The following GALNT13 variants were observed in gnomAD, a reference collection of about 807,000 sequenced individuals.
GALNT13 encodes polypeptide N-acetylgalactosaminyltransferase 13.
A neutral mutation model predicts 64.2 loss-of-function variants in GALNT13; 28 were observed. The ratio of observed to expected loss-of-function variants is 0.44; its 90% confidence interval spans 0.32 to 0.60. The LOEUF (loss-of-function observed/expected upper bound fraction) is 0.60. Ranked by LOEUF, GALNT13 falls within the 20% of genes least tolerant of loss-of-function variation. GALNT13 has a pLI of 0.05. For missense variants in GALNT13, 577 were observed against 669.8 expected (o/e 0.86, Z 1.53); for synonymous variants, 214 against 224.6 (o/e 0.95, Z 0.42).
chr2:153,631,279 A>C, the GALNT13 span, among the ~76,000 whole-genome samples: 1 of 152,196 alleles, frequency 6.6e-6, no homozygotes, highest in Non-Finnish European at 1.5e-5. Context: ...ATACGTGTGC[A>C]TGTGTCTTTA....
chr2:153,454,353 G>C, the GALNT13 span, among the ~76,000 whole-genome samples: 1 of 151,966 alleles, frequency 6.6e-6, no homozygotes, highest in Non-Finnish European at 1.5e-5. Context: ...GTAATTTCTA[G>C]ACCTGGCTAG....
chr2:153,916,466 C>T (rs1441214022), intron 2 of GALNT13, among the ~76,000 whole-genome samples: 3 of 151,952 alleles, frequency 2.0e-5, no homozygotes, highest in Admixed American at 6.6e-5. Context: ...CTAGGTAATC[C>T]GATTTTTGAG....
chr2:154,275,953 A>T (rs2105930702), intron 8 of GALNT13, among the ~76,000 whole-genome samples: 1 of 152,222 alleles, frequency 6.6e-6, no homozygotes, highest in East Asian at 1.9e-4. Context: ...TCACTCTGTA[A>T]CCTTAAGGTT....
chr2:154,151,262 A>G (rs1020252719), intron 4 of GALNT13, among the ~76,000 whole-genome samples: 2 of 152,116 alleles, frequency 1.3e-5, no homozygotes, highest in Admixed American at 1.3e-4. Flanking sequence ...TTTAATCCTC[A>G]GTTCTAATTA....
the GALNT13 span, among the ~76,000 whole-genome samples, chr2:153,460,147 G>T: frequency 6.6e-6 from 1 of 151,974 alleles, no homozygotes; most frequent in Non-Finnish European, 1.5e-5. Context: ...ACTTATTTCA[G>T]ATGAAGTTGA....
chr2:153,679,514 T>A, the GALNT13 span, among the ~76,000 whole-genome samples: 4 of 151,968 alleles, frequency 2.6e-5, no homozygotes, highest in Admixed American at 2.0e-4. Flanking sequence ...TTATGCATAG[T>A]ACGTGTGTTT....
chr2:154,009,392 G>A (rs1312658437), intron 3 of GALNT13, among the ~76,000 whole-genome samples: 2 of 151,288 alleles, frequency 1.3e-5, no homozygotes, highest in Non-Finnish European at 2.9e-5. Context: ...GTCTTTTTTG[G>A]TTCCATATGA....
intron 3 of GALNT13, among the ~76,000 whole-genome samples, chr2:153,996,851 T>G (rs1695555476): frequency 6.6e-6 from 1 of 152,114 alleles, no homozygotes. Context: ...TTTGTATATG[T>G]GAGATAGGGT....
At position 154,169,367 on chromosome 2, in the gene GALNT13, T is replaced by C. The variant is rs1424150120; in HGVS notation, c.311+28862T>C. Among the ~76,000 whole-genome samples, 3 of 152,296 alleles carry C rather than the reference T, an allele frequency of 2.0e-5. No homozygotes were observed. In the South Asian group the frequency reaches 6.2e-4, roughly 32 times the overall value. On this transcript the variant is annotated intron_variant, in intron 4 of 12. Coordinates refer to ENST00000392825, the MANE Select transcript of GALNT13 (RefSeq NM_052917.4). ...TATAAGTAGTCTCATTATGGCTGAT[T>C]TTAAGCTATCAACTTCACGTCACTG... is the stretch of plus-strand genomic sequence containing the variant.
intron 4 of GALNT13, among the ~76,000 whole-genome samples, chr2:154,241,458 CAT>C (rs1324938730): frequency 1.3e-5 from 2 of 152,144 alleles, no homozygotes; most frequent in African/African-American, 2.4e-5. Context: ...ATCTCCAAAA[CAT>C]AGGGAAATTT....
chr2:154,019,285 A>G (rs1697250561), intron 3 of GALNT13, among the ~76,000 whole-genome samples: 1 of 152,192 alleles, frequency 6.6e-6, no homozygotes, highest in South Asian at 2.1e-4. Flanking sequence ...GAACATTTAA[A>G]GCCATTTAAT....
intron 2 of GALNT13, among the ~76,000 whole-genome samples, chr2:153,918,961 T>C (rs1689575553): frequency 1.3e-5 from 2 of 152,134 alleles, no homozygotes; most frequent in Admixed American, 6.6e-5. Context: ...TGTCTGAAGC[T>C]GCTTCAAGCT....
chr2:154,281,554 G>A (rs1406852486), intron 8 of GALNT13, among the ~76,000 whole-genome samples: 1 of 152,140 alleles, frequency 6.6e-6, no homozygotes, highest in Admixed American at 6.6e-5. Flanking sequence ...ACAGTAGATT[G>A]TACATTAGGA....
At chr2:153,629,140 G>A in the GALNT13 span, among the ~76,000 whole-genome samples, 11 of 151,880 alleles carry the variant, frequency 7.2e-5, no homozygotes, top group Non-Finnish European at 1.5e-4. Flanking sequence ...GCATAGAGGT[G>A]TTTGTAGTAT....
chr2:154,406,938 A>G (rs1020783409), intron 10 of GALNT13, among the ~76,000 whole-genome samples: 2 of 152,210 alleles, frequency 1.3e-5, no homozygotes, highest in African/African-American at 4.8e-5. Flanking sequence ...TTTGTAGAAA[A>G]TAGATCAATA....
chr2:153,969,747 C>T (rs1445670873), intron 3 of GALNT13, among the ~76,000 whole-genome samples: 1 of 152,164 alleles, frequency 6.6e-6, no homozygotes, highest in Non-Finnish European at 1.5e-5. Context: ...ACTAGTTCCT[C>T]ATTCATAACT....
the GALNT13 span, among the ~76,000 whole-genome samples, chr2:153,542,369 ACC>A: frequency 7.7e-6 from 1 of 130,170 alleles, no homozygotes; most frequent in Non-Finnish European, 1.5e-5. Context: ...CAAAAAAAAA[ACC>A]GGAAGTAGAA....
chr2:154,251,200 G>T (rs78792988), intron 7 of GALNT13, among the ~76,000 whole-genome samples: 3,169 of 152,070 alleles, frequency 0.021, 79 homozygotes, highest in African/African-American at 0.064. Flanking sequence ...TTTGTCACAT[G>T]AACCAAAATA....
intron 10 of GALNT13, among the ~76,000 whole-genome samples, chr2:154,402,328 G>T (rs1699337851): frequency 1.3e-5 from 2 of 152,162 alleles, no homozygotes; most frequent in Admixed American, 1.3e-4. Flanking sequence ...GGGAGCAAAA[G>T]CTAGTGAACA....
Sources: gnomAD v4.1 joint callset for allele counts (sites outside exome capture counted in the v4.1 genomes callset) on GRCh38, gnomAD v4.1.1 for gene constraint, MANE v1.5 for transcripts, NCBI Gene and HGNC (gene_info 2026-07-23, HGNC 2026-07-21) for gene names.